EHMT1: variants seen among roughly 807,000 people sequenced by gnomAD.
EHMT1 encodes euchromatic histone lysine methyltransferase 1.
A neutral mutation model predicts 147.2 loss-of-function variants in EHMT1; 15 were observed. That is an observed-to-expected ratio of 0.10 (90% CI 0.07 to 0.16). The LOEUF (loss-of-function observed/expected upper bound fraction) is 0.16, where lower values mean the gene tolerates loss of function less well. Among genes scored for constraint, EHMT1 ranks in the 10% least tolerant of loss-of-function variants. EHMT1 has a pLI of 1.00. For missense variants in EHMT1, 1,587 were observed against 1,772.4 expected, an observed-to-expected ratio of 0.90 and a Z score of 1.88; for synonymous variants, 795 against 709.6, an observed-to-expected ratio of 1.12 and a Z score of -1.91.
At chr9:137,758,110 G>A in intron 9 of EHMT1, 99 bp downstream of exon 9, 6 of 1,524,128 alleles carry the variant, frequency 3.9e-6, no homozygotes, top group Non-Finnish European at 5.4e-6. Flanking sequence ...GTGGACACTA[G>A]TAGAAGATCG....
chr9:137,679,821 T>G (rs1941765438), intron 1 of EHMT1, among the ~76,000 whole-genome samples: 1 of 152,242 alleles, frequency 6.6e-6, no homozygotes, highest in Non-Finnish European at 1.5e-5. Flanking sequence ...GCTTTTCCTT[T>G]GTGATTTCTG....
intron 1 of EHMT1, chr9:137,641,553 C>T (rs898212356): frequency 1.6e-5 from 5 of 305,516 alleles, no homozygotes; most frequent in Admixed American, 1.4e-4. Context: ...CCCTGAAGAA[C>T]GTGGTTGGCC....
At chr9:137,656,460 A>G (rs963110702) in intron 1 of EHMT1, among the ~76,000 whole-genome samples, 2 of 152,248 alleles carry the variant, frequency 1.3e-5, no homozygotes, top group Non-Finnish European at 2.9e-5. Context: ...TAGAGTGATG[A>G]CACTTAGATT....
intron 18 of EHMT1, among the ~76,000 whole-genome samples, chr9:137,806,995 C>G (rs994070908): frequency 1.3e-5 from 2 of 152,048 alleles, no homozygotes; most frequent in Admixed American, 6.5e-5. Flanking sequence ...TCCTCTAAGC[C>G]TTAGTTTGTC....
Position 137,834,788 on chromosome 9 carries a change from G to C in EHMT1, c.3732G>C (p.Glu1244Asp), listed in dbSNP as rs776780490. 20 of 1,613,204 alleles carry C rather than the reference G, an allele frequency of 1.2e-5. No homozygotes were observed. In the East Asian group the frequency reaches 4.2e-4, roughly 34 times the overall value. ...CCCTCCCCAGGTTTGACTATGGAGA[G>C]CGCTTCTGGGACATCAAAGGCAAGC... Reference protein sequence around the residue: ...AGEQLGFDYGERFWDIKGKLF... With the variant: ...AGEQLGFDYGDRFWDIKGKLF... The change falls in exon 27 of 27, where the codon GAG (glutamate) becomes GAC (aspartate). Residue 1244 changes from glutamate to aspartate, a missense_variant. Coordinates refer to ENST00000460843, the MANE Select transcript of EHMT1 (RefSeq NM_024757.5).
At chr9:137,768,148 A>C (rs1483696949) in intron 10 of EHMT1, among the ~76,000 whole-genome samples, 9 of 152,132 alleles carry the variant, frequency 5.9e-5, no homozygotes, top group Admixed American at 5.9e-4. Flanking sequence ...CAGACCAGCA[A>C]AATCACCCAG....
At position 137,758,030 on chromosome 9, in the gene EHMT1, C is replaced by G; in HGVS notation, c.1501+19C>G. ...GCAGAAGGTGAATGTGGTGGTGTAACTTAGACCGGGCACCATCTTGGTCCT... is the reference window on the plus strand; with the variant it reads ...GCAGAAGGTGAATGTGGTGGTGTAAGTTAGACCGGGCACCATCTTGGTCCT... On this transcript the variant is annotated intron_variant, in intron 9 of 26. Coordinates refer to ENST00000460843, the MANE Select transcript of EHMT1 (RefSeq NM_024757.5). 1 of 1,614,006 alleles carries G rather than the reference C, an allele frequency of 6.2e-7. No homozygotes were observed. Among genetic ancestry groups the G allele is most frequent in the Non-Finnish European group, 8.5e-7 (1 of 1,179,966 alleles).
In EHMT1 at chr9:137,631,990, CAT is replaced by C. The variant is rs201016451; in HGVS notation, c.21+12942_21+12943del. 3.3e-5 allele frequency among the ~76,000 whole-genome samples: 5 copies of C among 152,308 alleles called. No individual in the cohort carries two copies. In the East Asian group the frequency reaches 9.6e-4, roughly 29 times the overall value. ...ACTGCCTTTTCTGTGTTCAGACGCA[CAT>C]GTGTCATTGTGTTGCACTTACCTGC... On this transcript the variant is annotated intron_variant, in intron 1 of 26. Transcript: ENST00000460843.
intron 1 of EHMT1, among the ~76,000 whole-genome samples, chr9:137,630,122 A>G (rs1420605424): frequency 4.6e-5 from 7 of 152,134 alleles, no homozygotes; most frequent in African/African-American, 1.4e-4. Flanking sequence ...AAGCTTGTGG[A>G]TTTCTTTCTG....
rs371344592 is a variant in EHMT1 at position 137,716,690 on chromosome 9, G to A, written c.150G>A (p.Ala50=). Residue 50 remains alanine (A), a synonymous_variant, in exon 3 of 27, where the codon GCG becomes GCA. Coordinates refer to ENST00000460843, the MANE Select transcript of EHMT1 (RefSeq NM_024757.5). The part of the protein sequence containing the change: ...EKQAGEAHMA[A]DGETNGSCEN... ...AGGCAGGAGAGGCCCACATGGCTGC[G>A]GACGGTGAGACCAATGGGTCTTGTG... 6.5e-5 allele frequency: 105 copies of A among 1,606,006 alleles called. 1 individual carries two copies. The highest frequency in any genetic ancestry group is 3.3e-4 in the Middle Eastern group (2 of 6,056).
At chr9:137,768,098 C>T (rs12351266) in intron 10 of EHMT1, among the ~76,000 whole-genome samples, 2 of 152,052 alleles carry the variant, frequency 1.3e-5, no homozygotes, top group East Asian at 1.9e-4. Context: ...GTGGAGTGGG[C>T]GACACCATTT....
At chr9:137,765,361 T>C (rs1251126120) in intron 10 of EHMT1, among the ~76,000 whole-genome samples, 1 of 152,198 alleles carries the variant, frequency 6.6e-6, no homozygotes, top group East Asian at 1.9e-4. Flanking sequence ...TTTGCTTCTC[T>C]CTGTCCCCTC....
chr9:137,825,771 C>A (rs1439219975), intron 25 of EHMT1, among the ~76,000 whole-genome samples: 1 of 152,084 alleles, frequency 6.6e-6, no homozygotes, highest in Non-Finnish European at 1.5e-5. Flanking sequence ...TGTGTGTGCC[C>A]GTGTCATCAC....
At chr9:137,827,533 G>A (rs1331866930) in intron 25 of EHMT1, among the ~76,000 whole-genome samples, 1 of 152,160 alleles carries the variant, frequency 6.6e-6, no homozygotes, top group Non-Finnish European at 1.5e-5. Flanking sequence ...AGTATTTCCT[G>A]GACCATTGCA....
chr9:137,656,922 G>A (rs933960772), intron 1 of EHMT1, among the ~76,000 whole-genome samples: 1 of 151,832 alleles, frequency 6.6e-6, no homozygotes, highest in Non-Finnish European at 1.5e-5. Flanking sequence ...TGTATTTTTA[G>A]TAGAGACAGG....
chr9:137,752,523 C>A (rs1429229140), intron 7 of EHMT1, 115 bp downstream of exon 7: 2 of 1,249,426 alleles, frequency 1.6e-6, no homozygotes, highest in Non-Finnish European at 2.3e-6. Context: ...CACCCATGTG[C>A]TTGGAGCTGG....
chr9:137,667,866 T>A (rs1939855963), intron 1 of EHMT1, among the ~76,000 whole-genome samples: 1 of 152,098 alleles, frequency 6.6e-6, no homozygotes, highest in Admixed American at 6.6e-5. Context: ...TTTTTGAGAG[T>A]GTATGCTGCT....
rs1952028896 is a variant in EHMT1 at position 137,786,988 on chromosome 9, G to C, written c.2383-3860G>C. 1 of 152,330 alleles carries C rather than the reference G, an allele frequency of 6.6e-6. No homozygotes were observed. The highest frequency in any genetic ancestry group is 6.5e-5 in the Admixed American group (1 of 15,274). 9.4% of individuals were successfully genotyped at this position (152,330 alleles called of 1,614,324 possible). ...CTTTTCTGACTTGATCTGTGTTTTT[G>C]TCCCTGCGGAGGAGTCGGGAGCTGT... On this transcript the variant is annotated intron_variant, in intron 15 of 26. Coordinates refer to ENST00000460843, the MANE Select transcript of EHMT1 (RefSeq NM_024757.5). The surrounding 1 kb of genome is among the most constrained non-coding windows in gnomAD (Gnocchi z 4.3).
intron 1 of EHMT1, among the ~76,000 whole-genome samples, chr9:137,658,767 C>T (rs960868687): frequency 1.3e-5 from 2 of 152,014 alleles, no homozygotes; most frequent in African/African-American, 4.8e-5. Context: ...TGCATACCAC[C>T]ATACCTGGCT....
Sources: allele counts gnomAD v4.1 joint callset (sites outside exome capture counted in the v4.1 genomes callset), GRCh38; gene constraint gnomAD v4.1.1; non-coding constraint Gnocchi (gnomAD v3.1); transcripts MANE v1.5; gene names NCBI Gene and HGNC (gene_info 2026-07-23, HGNC 2026-07-21).